Variants in RAP1GAP2 observed in about 807,000 individuals in gnomAD.
RAP1GAP2 encodes the protein rap1 GTPase-activating protein 2.
In RAP1GAP2, 27 loss-of-function variants were observed where a neutral mutation model predicts 95.0. The ratio of observed to expected loss-of-function variants is 0.28; its 90% confidence interval spans 0.21 to 0.39. The LOEUF is 0.39. RAP1GAP2 is among the 10% of genes least tolerant of loss of function. RAP1GAP2 has a pLI of 1.00. For synonymous variants in RAP1GAP2, 373 were observed against 380.9 expected (o/e 0.98, Z 0.24); for missense variants, 771 against 970.0 (o/e 0.79, Z 2.72).
At chr17:2,864,056 CAA>C (rs765106709) in intron 2 of RAP1GAP2, among the ~76,000 whole-genome samples, 1 of 131,642 alleles carries the variant, frequency 7.6e-6, no homozygotes. Context: ...CTGTCCCCCT[CAA>C]AAAAAAAAAA....
Position 2,867,925 on chromosome 17 carries a change from AGC to A in RAP1GAP2, c.81-37358_81-37357del, listed in dbSNP as rs1308139584. ...GGTGTGCTTTCTTCTTCACGGATGCAGCTCGCGGGATCCCCAAGCCTTTGGTA... is the reference window on the plus strand; with the variant it reads ...GGTGTGCTTTCTTCTTCACGGATGCATCGCGGGATCCCCAAGCCTTTGGTA... On this transcript the variant is annotated intron_variant, in intron 2 of 24. Transcript: ENST00000254695. This position sits in a 1 kb window ranked among gnomAD's most constrained non-coding sequence, Gnocchi z 4.5. Among the ~76,000 whole-genome samples, 1 of 152,130 alleles carries A rather than the reference AGC, an allele frequency of 6.6e-6. No homozygotes were observed. Among genetic ancestry groups the A allele is most frequent in the Admixed American group, 6.5e-5 (1 of 15,272 alleles).
At chr17:2,831,371 C>T (rs2070846054) in intron 2 of RAP1GAP2, among the ~76,000 whole-genome samples, 1 of 151,310 alleles carries the variant, frequency 6.6e-6, no homozygotes, top group African/African-American at 2.4e-5. Flanking sequence ...GCCACCATGC[C>T]CAGCCTCCTA....
intron 3 of RAP1GAP2, among the ~76,000 whole-genome samples, chr17:2,908,737 C>G (rs1359803068): frequency 6.6e-6 from 1 of 151,998 alleles, no homozygotes; most frequent in Admixed American, 6.6e-5. Flanking sequence ...ATTTTAGGGA[C>G]AGGGTCGTGC....
At chr17:2,828,831 C>T (rs1237188573) in intron 2 of RAP1GAP2, among the ~76,000 whole-genome samples, 1 of 152,096 alleles carries the variant, frequency 6.6e-6, no homozygotes, top group Non-Finnish European at 1.5e-5. Context: ...TCTTTGCTTG[C>T]TCCCTCTCCA....
At chr17:2,945,001 G>C (rs1425155106) in intron 3 of RAP1GAP2, among the ~76,000 whole-genome samples, 1 of 152,092 alleles carries the variant, frequency 6.6e-6, no homozygotes, top group Non-Finnish European at 1.5e-5. Flanking sequence ...TCCTGCCTCA[G>C]TAGCTGGGAT....
At chr17:2,874,370 G>A (rs2072993228) in intron 2 of RAP1GAP2, among the ~76,000 whole-genome samples, 2 of 152,138 alleles carry the variant, frequency 1.3e-5, no homozygotes, top group South Asian at 2.1e-4. Context: ...CTTATCTAGG[G>A]TAAGGTCTGG....
At chr17:2,758,544 G>A (rs772961114) in intron 1 of RAP1GAP2, among the ~76,000 whole-genome samples, 3 of 152,106 alleles carry the variant, frequency 2.0e-5, no homozygotes, top group Non-Finnish European at 4.4e-5. Context: ...TCATCTTTCT[G>A]AGAAGGTCCT....
intron 3 of RAP1GAP2, among the ~76,000 whole-genome samples, chr17:2,956,864 C>A (rs1266795599): frequency 6.6e-6 from 1 of 152,210 alleles, no homozygotes; most frequent in Admixed American, 6.5e-5. Flanking sequence ...CGTGGTAGCT[C>A]ACGCCTGTAA....
chr17:2,919,568 A>G (rs2042681405), intron 3 of RAP1GAP2, among the ~76,000 whole-genome samples: 1 of 152,126 alleles, frequency 6.6e-6, no homozygotes, highest in Admixed American at 6.6e-5. Flanking sequence ...GGCAGGGCCT[A>G]AAAGCCATGG....
Position 3,008,060 on chromosome 17 carries a change from C to T in RAP1GAP2, c.1409C>T (p.Ala470Val), listed in dbSNP as rs199942375. The T allele has an allele frequency of 4.5e-4, 723 of 1,613,848 alleles. 6 individuals are homozygous for T. Among genetic ancestry groups the T allele is most frequent in the Non-Finnish European group, 2.8e-5 (33 of 1,179,882 alleles). ...GACAACCTTCACGATGAGCTCCACG[C>T]CCACACACAGGCCATGCTGGGACTG... ...LLDNLHDELH[A>V]HTQAMLGLGP... Residue 470 changes from alanine (A) to valine (V), a missense_variant, in exon 17 of 25, where the codon GCC (alanine) becomes GTC (valine). Transcript: ENST00000254695. This position sits in a 1 kb window ranked among gnomAD's most constrained non-coding sequence, Gnocchi z 4.2.
intron 21 of RAP1GAP2, 147 bp from the exon 22 acceptor site, chr17:3,026,797 G>C (rs932930068): frequency 7.3e-6 from 8 of 1,102,606 alleles, no homozygotes; most frequent in Middle Eastern, 3.0e-4. Flanking sequence ...CTTGGAACCA[G>C]GGTTGAAGTC....
chr17:2,883,332 T>G (rs1394974630), intron 2 of RAP1GAP2, among the ~76,000 whole-genome samples: 1 of 152,222 alleles, frequency 6.6e-6, no homozygotes, highest in African/African-American at 2.4e-5. Context: ...TCCTCCATTC[T>G]TGGCATTTCT....
At chr17:2,886,848 C>T (rs1370248596) in intron 2 of RAP1GAP2, among the ~76,000 whole-genome samples, 1 of 152,142 alleles carries the variant, frequency 6.6e-6, no homozygotes, top group East Asian at 1.9e-4. Flanking sequence ...CCAGGGATTG[C>T]CCCTCCGGGT....
chr17:2,912,722 G>A (rs902579070), intron 3 of RAP1GAP2, among the ~76,000 whole-genome samples: 4 of 152,152 alleles, frequency 2.6e-5, no homozygotes, highest in African/African-American at 7.2e-5. Context: ...TTGCCGCTCC[G>A]GACATGGTTG....
chr17:2,839,695 G>C (rs1024577074), intron 2 of RAP1GAP2, among the ~76,000 whole-genome samples: 1 of 152,186 alleles, frequency 6.6e-6, no homozygotes, highest in East Asian at 1.9e-4. Flanking sequence ...AGGCGTGCTT[G>C]TCACTCAATT....
At chr17:2,896,644 C>T (rs550335938) in intron 2 of RAP1GAP2, among the ~76,000 whole-genome samples, 7 of 152,292 alleles carry the variant, frequency 4.6e-5, no homozygotes, top group East Asian at 1.9e-4. Flanking sequence ...GATATGTGCA[C>T]GAGGGGGCCC....
At chr17:2,842,808 C>T (rs2071424705) in intron 2 of RAP1GAP2, among the ~76,000 whole-genome samples, 1 of 152,096 alleles carries the variant, frequency 6.6e-6, no homozygotes, top group African/African-American at 2.4e-5. Context: ...GTCCCACCCT[C>T]TCCTCCCCTC....
chr17:2,912,313 G>GA (rs1256255832), intron 3 of RAP1GAP2, among the ~76,000 whole-genome samples: 1 of 152,168 alleles, frequency 6.6e-6, no homozygotes, highest in Non-Finnish European at 1.5e-5. Flanking sequence ...GTGTGTGGGG[G>GA]CTTCTGTTCC....
intron 2 of RAP1GAP2, among the ~76,000 whole-genome samples, chr17:2,854,649 C>T (rs1193955587): frequency 6.6e-6 from 1 of 152,210 alleles, no homozygotes; most frequent in Non-Finnish European, 1.5e-5. Context: ...CTTTCGTTTG[C>T]TCCTGGATAT....
Sources: gnomAD v4.1 joint callset for allele counts (sites outside exome capture counted in the v4.1 genomes callset) on GRCh38, gnomAD v4.1.1 for gene constraint, Gnocchi (gnomAD v3.1) non-coding constraint, MANE v1.5 for transcripts, NCBI Gene and HGNC (gene_info 2026-07-23, HGNC 2026-07-21) for gene names.